KCNC2: variants seen among roughly 807,000 people sequenced by gnomAD.
KCNC2 encodes potassium voltage-gated channel subfamily C member 2.
In KCNC2, 21 loss-of-function variants were observed where a neutral mutation model predicts 44.5. The ratio of observed to expected loss-of-function variants is 0.47; its 90% CI spans 0.33 to 0.68. KCNC2 has a LOEUF of 0.68. Ranked by LOEUF, KCNC2 falls within the 30% of genes least tolerant of loss-of-function variation. The pLI, the probability that KCNC2 is intolerant of heterozygous loss-of-function variation, is 0.01. For synonymous variants in KCNC2, 391 were observed against 339.1 expected, an observed-to-expected ratio of 1.15 and a Z score of -1.68; for missense variants, 589 against 826.2, an observed-to-expected ratio of 0.71 and a Z score of 3.52.
At chr12:75,059,751 A>G (rs1244647233) in intron 2 of KCNC2, among the ~76,000 whole-genome samples, 1 of 152,154 alleles carries the variant, frequency 6.6e-6, no homozygotes, top group Admixed American at 6.6e-5. Context: ...TAGATTATAA[A>G]ATAAATATGA....
chr12:75,205,093 A>G (rs1386447716), intron 2 of KCNC2, among the ~76,000 whole-genome samples: 1 of 152,176 alleles, frequency 6.6e-6, no homozygotes, highest in Non-Finnish European at 1.5e-5. Flanking sequence ...ATGCCGCATT[A>G]AATCTCAAGA....
chr12:75,177,031 T>TA (rs1892232077), intron 2 of KCNC2, among the ~76,000 whole-genome samples: 2 of 97,820 alleles, frequency 2.0e-5, no homozygotes, highest in African/African-American at 7.8e-5. Flanking sequence ...TGCTGCAAGT[T>TA]TTATATATAT....
At chr12:75,164,639 C>T (rs762471205) in intron 2 of KCNC2, among the ~76,000 whole-genome samples, 4 of 151,594 alleles carry the variant, frequency 2.6e-5, no homozygotes, top group Non-Finnish European at 5.9e-5. Flanking sequence ...ATCTTCAAGG[C>T]GGACATGAAT....
At chr12:75,044,937 TG>T (rs1418683946) in intron 4 of KCNC2, 3 of 151,972 alleles carry the variant, frequency 2.0e-5, no homozygotes, top group Non-Finnish European at 1.5e-5. Flanking sequence ...GGAGGATATC[TG>T]GAATAATATT....
intron 2 of KCNC2, among the ~76,000 whole-genome samples, chr12:75,129,301 A>G (rs1016765343): frequency 2.6e-5 from 4 of 152,196 alleles, no homozygotes; most frequent in Admixed American, 2.6e-4. Context: ...CCCCTCAACC[A>G]ACTCTACCAT....
At chr12:75,115,259 T>C (rs745915121) in intron 2 of KCNC2, among the ~76,000 whole-genome samples, 11 of 152,316 alleles carry the variant, frequency 7.2e-5, no homozygotes, top group Admixed American at 2.6e-4. Flanking sequence ...CTGATACTTA[T>C]GAAACTTCTA....
chr12:75,104,810 G>C (rs530485515), intron 2 of KCNC2, among the ~76,000 whole-genome samples: 13 of 152,244 alleles, frequency 8.5e-5, no homozygotes, highest in South Asian at 4.1e-4. Context: ...AAATGATAGA[G>C]TCAGGATTCA....
intron 2 of KCNC2, among the ~76,000 whole-genome samples, chr12:75,088,883 G>C (rs961773254): frequency 6.6e-6 from 1 of 151,830 alleles, no homozygotes; most frequent in Non-Finnish European, 1.5e-5. Context: ...TAAAACAACA[G>C]TGCTGAATCA....
intron 2 of KCNC2, among the ~76,000 whole-genome samples, chr12:75,161,665 T>C (rs1157910470): frequency 1.3e-5 from 2 of 151,764 alleles, no homozygotes; most frequent in African/African-American, 4.8e-5. Context: ...GAGCACAGCT[T>C]GGCCACTGCC....
At chr12:75,180,117 G>A (rs1892479716) in intron 2 of KCNC2, among the ~76,000 whole-genome samples, 1 of 151,874 alleles carries the variant, frequency 6.6e-6, no homozygotes, top group Non-Finnish European at 1.5e-5. Context: ...ACATTTCAAA[G>A]TGTTAAATGC....
At chr12:75,130,485 A>G (rs917276284) in intron 2 of KCNC2, among the ~76,000 whole-genome samples, 1 of 152,200 alleles carries the variant, frequency 6.6e-6, no homozygotes, top group African/African-American at 2.4e-5. Flanking sequence ...GAATGGTGTA[A>G]CTAAGCTTTA....
chr12:75,204,942 T>A (rs1390733173), intron 2 of KCNC2, among the ~76,000 whole-genome samples: 1 of 152,168 alleles, frequency 6.6e-6, no homozygotes, highest in African/African-American at 2.4e-5. Context: ...GGATTCTTTT[T>A]AAGAAGTTAA....
intron 2 of KCNC2, among the ~76,000 whole-genome samples, chr12:75,152,671 G>T (rs926725665): frequency 1.3e-5 from 2 of 151,928 alleles, no homozygotes; most frequent in Non-Finnish European, 2.9e-5. Context: ...ATGACTAATC[G>T]TATGTTCATT....
intron 2 of KCNC2, among the ~76,000 whole-genome samples, chr12:75,147,918 A>G (rs1270135552): frequency 1.3e-5 from 2 of 152,192 alleles, no homozygotes; most frequent in East Asian, 3.8e-4. Context: ...TATAAAAAGT[A>G]TTATAGTCCA....
intron 2 of KCNC2, among the ~76,000 whole-genome samples, chr12:75,107,786 T>C (rs1482465963): frequency 6.6e-6 from 1 of 152,234 alleles, no homozygotes; most frequent in Admixed American, 6.5e-5. Context: ...AATTTTACTT[T>C]TTCTAAAATA....
chr12:75,112,795 AT>A (rs1428844780), intron 2 of KCNC2, among the ~76,000 whole-genome samples: 1 of 152,132 alleles, frequency 6.6e-6, no homozygotes, highest in Non-Finnish European at 1.5e-5. Flanking sequence ...TATTAAGTAC[AT>A]TACTTTTGAA....
chr12:75,076,038 TACACACACAC>T (rs71078709), intron 2 of KCNC2, among the ~76,000 whole-genome samples: 97 of 141,418 alleles, frequency 6.9e-4, no homozygotes, highest in African/African-American at 1.1e-3. Context: ...TAATGTTACA[TACACACACAC>T]ACACACACAC....
intron 2 of KCNC2, among the ~76,000 whole-genome samples, chr12:75,188,685 C>T (rs2029903021): frequency 2.0e-5 from 3 of 151,728 alleles, no homozygotes; most frequent in Middle Eastern, 3.4e-3. Context: ...CATGTGAAAT[C>T]CTGTCTCTAC....
chr12:75,124,183 T>C (rs1275593623), intron 2 of KCNC2: 1 of 152,334 alleles, frequency 6.6e-6, no homozygotes, highest in Non-Finnish European at 1.5e-5. Flanking sequence ...TCAATGTTTA[T>C]GCTTCAAAGA....
Sources: allele counts gnomAD v4.1 joint callset (sites outside exome capture counted in the v4.1 genomes callset), GRCh38; gene constraint gnomAD v4.1.1; transcripts MANE v1.5; gene names NCBI Gene and HGNC (gene_info 2026-07-23, HGNC 2026-07-21).